Variants in SCML2 observed in about 807,000 individuals in gnomAD.
The protein encoded by SCML2 is Scm polycomb group protein like 2, also known as sex comb on midleg-like protein 2.
SCML2 carries 6 observed loss-of-function variants against 48.4 expected under a neutral mutation model. That is an observed-to-expected ratio of 0.12 (90% CI 0.07 to 0.24). The LOEUF (loss-of-function observed/expected upper bound fraction) is 0.24. SCML2 is among the 10% of genes least tolerant of loss of function. The pLI is 1.00. For missense variants in SCML2, 377 were observed against 528.2 expected (o/e 0.71, Z 2.81); for synonymous variants, 181 against 189.5 (o/e 0.95, Z 0.37).
At position 18,265,603 on chromosome X, in the gene SCML2, A is replaced by T. The variant is rs1371736985; in HGVS notation, c.930T>A (p.Gly310=). The change falls in exon 8 of 15, where the codon GGT becomes GGA. Residue 310 remains glycine (G), a synonymous_variant. Transcript: ENST00000251900. ...AACTAACCTTTTTTCCTGAGTTTGG[A>T]CCTTTTTTCCTTGGTGTGATATTTT... ...SVKNITPRKK[G]PNSGKKEKPL... is the part of the protein sequence containing the mutation. 8.3e-7 allele frequency: 1 copy of T among 1,209,681 alleles called. No homozygotes were observed. The highest frequency in any genetic ancestry group is 1.1e-6 in the Non-Finnish European group (1 of 894,254).
Position 18,346,239 on chromosome X carries a change from C to CT in SCML2, c.-25+8352dup, listed in dbSNP as rs772706879. ...CTCTCTTTCCCAGAAGTTGATTGGCCTTTTTTTTTTACTCTGAATTTTATC... is the reference window on the plus strand; with the variant it reads ...CTCTCTTTCCCAGAAGTTGATTGGCCTTTTTTTTTTTACTCTGAATTTTATC... On this transcript the variant is annotated intron_variant, in intron 1 of 14. Transcript: ENST00000251900. Among the ~76,000 whole-genome samples the CT allele has an allele frequency of 5.9e-3, 632 of 106,287 alleles. 1 individual carries two copies. Among genetic ancestry groups the CT allele is most frequent in the South Asian group, 0.019 (46 of 2,465 alleles). The allele number at this position is 106,287 out of a possible 115,157, so 92.3% of individuals were successfully genotyped here.
intron 13 of SCML2, among the ~76,000 whole-genome samples, chrX:18,246,327 C>T: frequency 8.9e-6 from 1 of 112,083 alleles, no homozygotes; most frequent in Non-Finnish European, 1.9e-5. Context: ...TACAACTGTT[C>T]AAGCACTACT....
intron 10 of SCML2, 115 bp from the exon 11 acceptor site, chrX:18,257,145 T>A (rs1317722771): frequency 6.6e-6 from 3 of 452,308 alleles, no homozygotes. Context: ...TTGTGTTCTT[T>A]GTAATTCATA....
At chrX:18,332,832 A>G (rs1929698821) in intron 2 of SCML2, among the ~76,000 whole-genome samples, 1 of 109,947 alleles carries the variant, frequency 9.1e-6, no homozygotes, top group African/African-American at 3.3e-5. Context: ...TTAAAAAATT[A>G]GCCAGGTGTG....
rs771614149 is a variant in SCML2 at position 18,285,096 on chromosome X, T to C, written c.731-19294A>G. Among the ~76,000 whole-genome samples, 22 of 109,687 alleles carry C rather than the reference T, an allele frequency of 2.0e-4. No individual in the cohort carries two copies. The South Asian group carries it at 7.4e-3, about 37-fold the overall frequency. On this transcript the variant is annotated intron_variant, in intron 7 of 14. Coordinates refer to ENST00000251900, the MANE Select transcript of SCML2 (RefSeq NM_006089.3). ...GGCTGTAGAGAAAAGGGGACACTTA[T>C]ACATTGTTGGTGGGGACATAAATTA...
intron 1 of SCML2, among the ~76,000 whole-genome samples, chrX:18,347,406 T>C (rs1474103089): frequency 9.3e-6 from 1 of 107,651 alleles, no homozygotes; most frequent in African/African-American, 3.4e-5. Context: ...GATAGTGCCA[T>C]TGCACCCCAG....
intron 7 of SCML2, among the ~76,000 whole-genome samples, chrX:18,287,703 C>T (rs1316753531): frequency 9.0e-6 from 1 of 111,608 alleles, no homozygotes; most frequent in African/African-American, 3.2e-5. Context: ...ACATCGTTTC[C>T]CTACCCTGTT....
chrX:18,354,005 G>A (rs1014799314), intron 1 of SCML2, among the ~76,000 whole-genome samples: 1 of 112,249 alleles, frequency 8.9e-6, no homozygotes, highest in African/African-American at 3.2e-5. Context: ...CGGACGGGAC[G>A]CGCATTCCGG....
intron 13 of SCML2, 34 bp from the exon 14 acceptor site, chrX:18,242,624 T>C: frequency 8.5e-7 from 1 of 1,172,765 alleles, no homozygotes; most frequent in Non-Finnish European, 1.1e-6. Flanking sequence ...AAATCATACT[T>C]GACCTGATCA....
chrX:18,280,826 C>T (rs1927807235), intron 7 of SCML2, among the ~76,000 whole-genome samples: 2 of 111,798 alleles, frequency 1.8e-5, no homozygotes, highest in African/African-American at 3.3e-5. Context: ...TATATATGCA[C>T]CCAACACTGG....
chrX:18,312,612 T>G (rs1928989037), intron 6 of SCML2, among the ~76,000 whole-genome samples: 1 of 110,587 alleles, frequency 9.0e-6, no homozygotes, highest in East Asian at 2.8e-4. Context: ...GAAAGCTGAC[T>G]GTATTTTGAA....
At chrX:18,353,730 G>A (rs1242267658) in intron 1 of SCML2, among the ~76,000 whole-genome samples, 1 of 112,470 alleles carries the variant, frequency 8.9e-6, no homozygotes, top group Non-Finnish European at 1.9e-5. Context: ...GTTTGGGGGA[G>A]CCGAATTACA....
chrX:18,281,178 A>G (rs1350151613), intron 7 of SCML2, among the ~76,000 whole-genome samples: 1 of 113,009 alleles, frequency 8.8e-6, no homozygotes, highest in Non-Finnish European at 1.9e-5. Flanking sequence ...TGCAATAAAA[A>G]TAGAAATCAC....
intron 11 of SCML2, among the ~76,000 whole-genome samples, chrX:18,253,515 A>C (rs750452047): frequency 2.7e-5 from 3 of 112,025 alleles, no homozygotes; most frequent in Non-Finnish European, 5.6e-5. Flanking sequence ...AGATCAAAGA[A>C]TAAAAAATTT....
At chrX:18,268,682 G>T (rs187739344) in intron 7 of SCML2, among the ~76,000 whole-genome samples, 104 of 109,329 alleles carry the variant, frequency 9.5e-4, no homozygotes, top group African/African-American at 3.3e-3. Flanking sequence ...ACGAGTTAGT[G>T]GGTGCAGCGC....
Position 18,299,256 on chromosome X carries a change from G to C in SCML2, c.730+5716C>G, listed in dbSNP as rs768559892. 2.3e-3 allele frequency among the ~76,000 whole-genome samples: 252 copies of C among 111,692 alleles called. 1 individual carries two copies. Among genetic ancestry groups the C allele is most frequent in the African/African-American group, 8.0e-3 (245 of 30,722 alleles). On this transcript the variant is annotated intron_variant, in intron 7 of 14. Coordinates refer to ENST00000251900, the MANE Select transcript of SCML2 (RefSeq NM_006089.3). Reference sequence around the variant, plus strand: ...GGGCTGGGCAAGGTGGCTCACGCCTGTATTCCCAGCACTTTGGGAGGCCAA... The same window carrying C: ...GGGCTGGGCAAGGTGGCTCACGCCTCTATTCCCAGCACTTTGGGAGGCCAA...
rs1403216127 is a variant in SCML2, at chrX:18,323,847, C to A, written c.397+12G>T. The A allele has an allele frequency of 8.6e-7, 1 of 1,158,756 alleles. No individual in the cohort carries two copies. Among genetic ancestry groups the A allele is most frequent in the Admixed American group, 2.2e-5 (1 of 45,788 alleles). On this transcript the variant is annotated intron_variant, in intron 5 of 14. Coordinates refer to ENST00000251900, the MANE Select transcript of SCML2 (RefSeq NM_006089.3). Reference sequence around the variant, plus strand: ...TAGAAAGAATACGCTATTTTTAAAACTTTCTTCTTACCTAGTGGAGGTTGA... The same window carrying A: ...TAGAAAGAATACGCTATTTTTAAAAATTTCTTCTTACCTAGTGGAGGTTGA...
chrX:18,320,401 G>A lies in SCML2; in HGVS notation c.417C>T (p.Ser139=), dbSNP rs950662541. ...TCTTTAAGAGGAACATCGGCCAGGA[G>A]GATGTATTCATCTGGTACCCTGTTT... is the stretch of plus-strand genomic sequence containing the variant. ...QPPLGYQMNT[S]SWPMFLLKTL... is the part of the protein sequence containing the mutation. Residue 139 remains serine, a synonymous_variant, in exon 6 of 15, where the codon TCC becomes TCT. Transcript: ENST00000251900. 3 of 1,144,285 alleles carry A rather than the reference G, an allele frequency of 2.6e-6. No homozygotes were observed. The highest frequency in any genetic ancestry group is 3.5e-5 in the African/African-American group (2 of 56,920). The allele number at this position is 1,144,285 out of a possible 1,213,427, so 94.3% of individuals were successfully genotyped here. A position where few individuals can be genotyped will look rare whatever the true frequency, so the allele number is the denominator to read the frequency against.
chrX:18,247,724 G>C (rs1926500853), intron 12 of SCML2, 45 bp downstream of exon 12: 1 of 964,540 alleles, frequency 1.0e-6, no homozygotes, highest in African/African-American at 1.9e-5. Flanking sequence ...AGTGGTAGCA[G>C]AGAAACATTT....
Sources: gnomAD v4.1 joint callset for allele counts (sites outside exome capture counted in the v4.1 genomes callset) on GRCh38, gnomAD v4.1.1 for gene constraint, MANE v1.5 for transcripts, NCBI Gene and HGNC (gene_info 2026-07-23, HGNC 2026-07-21) for gene names.